The following PPP1R26 variants were observed in gnomAD, a reference collection of about 807,000 sequenced individuals.
The protein encoded by PPP1R26 is 1A6/DRIM (down-regulated in metastasis) interacting protein.
A neutral mutation model predicts 67.6 loss-of-function variants in PPP1R26; 22 were observed. That is an observed-to-expected ratio of 0.33 (90% confidence interval 0.23 to 0.46). The LOEUF (loss-of-function observed/expected upper bound fraction) is 0.46, where lower values mean the gene tolerates loss of function less well. PPP1R26 is among the 20% of genes least tolerant of loss of function. The probability of loss-of-function intolerance (pLI) is 1.00; values close to 1 mark genes in which losing one functional copy is unlikely to be tolerated. For synonymous variants in PPP1R26, 729 were observed against 717.2 expected (o/e 1.02, Z -0.26); for missense variants, 1,602 against 1,651.4 (o/e 0.97, Z 0.52).
At position 135,485,229 on chromosome 9, in the gene PPP1R26, A is replaced by T. The variant is rs1564205628; in HGVS notation, c.719A>T (p.His240Leu). ...CAGTTTCTGAATGAGAAGAGACAGC[A>T]TGAGACCCAAAAATGTGATGGGTCA... ...IEQFLNEKRQ[H>L]ETQKCDGSVE... The change falls in exon 4 of 4, where the codon CAT becomes CTT. Residue 240 changes from histidine (H) to leucine (L), a missense_variant. Transcript: ENST00000356818. The surrounding 1 kb of genome is among the most constrained non-coding windows in gnomAD (Gnocchi z 7.2). The T allele has an allele frequency of 6.2e-7, 1 of 1,612,830 alleles. No individual in the cohort carries two copies. The highest frequency in any genetic ancestry group is 1.7e-5 in the Admixed American group (1 of 60,008).
chr9:135,482,649 A>G, intron 1 of PPP1R26, 34 bp from the exon 2 acceptor site: 1 of 398,418 alleles, frequency 2.5e-6, no homozygotes, highest in Non-Finnish European at 4.4e-6. Flanking sequence ...TCAGCCTGTA[A>G]TTAGATGCCT....
rs746093496 is a variant in PPP1R26 at position 135,485,633 on chromosome 9, T to C, written c.1123T>C (p.Tyr375His). The C allele has an allele frequency of 6.2e-7, 1 of 1,612,752 alleles. No individual in the cohort carries two copies. The highest frequency in any genetic ancestry group is 1.1e-5 in the South Asian group (1 of 91,052). ...DDGIEEAIQL[Y>H]QLQKTRKEAD... ...TGGCATTGAGGAGGCCATCCAGCTG[T>C]ACCAGCTGCAGAAAACACGCAAGGA... Residue 375 changes from tyrosine to histidine, a missense_variant, in exon 4 of 4, where the codon TAC (tyrosine) becomes CAC (histidine). Physicochemically the swap from Tyr to His is moderately conservative, Grantham distance 83 (BLOSUM62 2). Transcript: ENST00000356818. This position sits in a 1 kb window ranked among gnomAD's most constrained non-coding sequence, Gnocchi z 7.2.
chr9:135,481,335 G>C (rs1564202164), intron 1 of PPP1R26, among the ~76,000 whole-genome samples: 1 of 150,226 alleles, frequency 6.7e-6, no homozygotes, highest in African/African-American at 2.5e-5. Context: ...CCGCCTCCCT[G>C]GTTCAAGCGA....
At chr9:135,484,325 T>G in intron 3 of PPP1R26, 124 bp from the exon 4 acceptor site, 1 of 607,198 alleles carries the variant, frequency 1.6e-6, no homozygotes, top group Non-Finnish European at 2.8e-6. Flanking sequence ...AGCTGGACGT[T>G]GGGCTCCACC....
rs549872705 is a variant in PPP1R26 at position 135,483,962 on chromosome 9, T to C, written c.-183T>C. 2.5e-6 allele frequency: 1 copy of C among 399,022 alleles called. No homozygotes were observed. The highest frequency in any genetic ancestry group is 3.6e-5 in the East Asian group (1 of 28,080). The allele number at this position is 399,022 out of a possible 1,614,324, so 24.7% of individuals were successfully genotyped here. On this transcript the variant is annotated 5_prime_UTR_variant, in exon 3 of 4. Coordinates refer to ENST00000356818, the MANE Select transcript of PPP1R26 (RefSeq NM_014811.5). ...CTTTCCGTTCCAGGAGCTTGTCGGT[T>C]GGGTCAAGAATGAACCTACGCATGA... is the stretch of plus-strand genomic sequence containing the variant.
Position 135,484,435 on chromosome 9 carries a change from T to G in PPP1R26, c.-62-14T>G, listed in dbSNP as rs1372938802. On this transcript the variant is annotated splice_polypyrimidine_tract_variant and intron_variant, in intron 3 of 3. Transcript: ENST00000356818. ...TGTAGCTGCATCATGCCCATGTGCT[T>G]TCTTTCCGCCCAGGATGTGAAGCCG... The G allele has an allele frequency of 2.6e-5, 35 of 1,367,726 alleles. No individual in the cohort carries two copies. Among genetic ancestry groups the G allele is most frequent in the Non-Finnish European group, 3.4e-5 (34 of 1,000,222 alleles). The allele number at this position is 1,367,726 out of a possible 1,614,324, so 84.7% of individuals were successfully genotyped here. A position where few individuals can be genotyped will look rare whatever the true frequency, so the allele number is the denominator to read the frequency against.
In PPP1R26 at chr9:135,485,870, A is replaced by G. The variant is rs1830706491; in HGVS notation, c.1360A>G (p.Lys454Glu). The G allele has an allele frequency of 1.2e-6, 2 of 1,613,378 alleles. No individual in the cohort carries two copies. The highest frequency in any genetic ancestry group is 1.7e-6 in the Non-Finnish European group (2 of 1,180,000). ...TGCCCCCAAGCTCCTGAAGGAAACC[A>G]AAGCTCCACCTCCAGCGAGCCCTGC... The part of the protein sequence containing the change: ...DHAPKLLKET[K>E]APPPASPASR... The change falls in exon 4 of 4, where the codon AAA becomes GAA. Residue 454 changes from lysine (K) to glutamate (E), a missense_variant. Lys to Glu is a moderately conservative substitution (Grantham distance 56, BLOSUM62 1). Transcript: ENST00000356818. The surrounding 1 kb of genome is among the most constrained non-coding windows in gnomAD (Gnocchi z 7.2).
In PPP1R26 at chr9:135,484,606, G is replaced by A. The variant is rs373599937; in HGVS notation, c.96G>A (p.Ser32=). Residue 32 remains serine (S), a synonymous_variant, in exon 4 of 4, where the codon TCG becomes TCA. Coordinates refer to ENST00000356818, the MANE Select transcript of PPP1R26 (RefSeq NM_014811.5). ...PGSCRFPRCF[S]EADEGVESAS... The stretch of plus-strand genomic sequence containing the variant: ...GCTGTAGGTTCCCCAGGTGCTTCTC[G>A]GAGGCTGACGAGGGCGTGGAGAGCG... The A allele has an allele frequency of 7.4e-6, 12 of 1,612,376 alleles. No individual in the cohort carries two copies. In the African/African-American group the frequency reaches 1.5e-4, roughly 20 times the overall value.
Position 135,487,784 on chromosome 9 carries a change from G to A in PPP1R26, c.3274G>A (p.Gly1092Ser), listed in dbSNP as rs773831157. ...CACCCAGCTCTTCCACTTTGGAAAG[G>A]GTGTCTCCTGGGGGGGCAGGCAGGC... is the stretch of plus-strand genomic sequence containing the variant. ...LSTQLFHFGK[G>S]VSWGGRQAGL... The change falls in exon 4 of 4, where the codon GGT (glycine) becomes AGT (serine). Residue 1092 changes from glycine (G) to serine (S), a missense_variant. Coordinates refer to ENST00000356818, the MANE Select transcript of PPP1R26 (RefSeq NM_014811.5). The A allele has an allele frequency of 6.5e-7, 1 of 1,545,616 alleles. No individual in the cohort carries two copies. Among genetic ancestry groups the A allele is most frequent in the Admixed American group, 2.1e-5 (1 of 47,136 alleles).
Position 135,487,314 on chromosome 9 carries a change from A to G in PPP1R26, c.2804A>G (p.Asp935Gly). 6.4e-7 allele frequency: 1 copy of G among 1,557,212 alleles called. No homozygotes were observed. The highest frequency in any genetic ancestry group is 8.7e-7 in the Non-Finnish European group (1 of 1,153,222). ...KGLPAAPARG[D>G]PVPPRSTSGG... ...CTCCCTGCTGCTCCTGCCCGAGGGG[A>G]TCCGGTGCCGCCCAGGAGCACCAGC... Residue 935 changes from aspartate to glycine, a missense_variant, in exon 4 of 4, where the codon GAT (aspartate) becomes GGT (glycine). Asp to Gly is a moderately conservative substitution (Grantham distance 94). Around this residue, in one of 5 missense-constraint regions of PPP1R26, gnomAD observed 740 missense variants for 696.3 expected, o/e 1.06. Coordinates refer to ENST00000356818, the MANE Select transcript of PPP1R26 (RefSeq NM_014811.5).
Position 135,488,261 on chromosome 9 carries a change from T to C in PPP1R26, c.*121T>C. The C allele has an allele frequency of 7.8e-7, 1 of 1,278,316 alleles. No homozygotes were observed. The highest frequency in any genetic ancestry group is 2.9e-5 in the East Asian group (1 of 34,152). 79.2% of individuals were successfully genotyped at this position (1,278,316 alleles called of 1,614,324 possible). On this transcript the variant is annotated 3_prime_UTR_variant, in exon 4 of 4. Coordinates refer to ENST00000356818, the MANE Select transcript of PPP1R26 (RefSeq NM_014811.5). ...GGAAACAGTCTATTATACATAGCCCTGTATATATGTACACCAACATGAAAC... is the reference window on the plus strand; with the variant it reads ...GGAAACAGTCTATTATACATAGCCCCGTATATATGTACACCAACATGAAAC...
chr9:135,481,564 C>T (rs1394718775), intron 1 of PPP1R26, among the ~76,000 whole-genome samples: 2 of 150,992 alleles, frequency 1.3e-5, no homozygotes, highest in African/African-American at 4.9e-5. Context: ...AAGAATGATT[C>T]ATCTCGCATA....
chr9:135,487,563 G>C lies in PPP1R26; in HGVS notation c.3053G>C (p.Gly1018Ala). 6.4e-7 allele frequency: 1 copy of C among 1,555,454 alleles called. No homozygotes were observed. Among genetic ancestry groups the C allele is most frequent in the South Asian group, 1.2e-5 (1 of 84,328 alleles). ...AGCCCGGGAGCGGAGAGGGACGCTG[G>C]AGCCCAGGCCGACCGCACACCGCCC... ...TPSPGAERDA[G>A]AQADRTPPWS... Residue 1018 changes from glycine to alanine, a missense_variant, in exon 4 of 4, where the codon GGA becomes GCA. Physicochemically the swap from Gly to Ala is moderately conservative, Grantham distance 60. Transcript: ENST00000356818.
Position 135,486,640 on chromosome 9 carries a change from G to A in PPP1R26, c.2130G>A (p.Arg710=). 6.2e-7 allele frequency: 1 copy of A among 1,611,992 alleles called. No individual in the cohort carries two copies. The highest frequency in any genetic ancestry group is 8.5e-7 in the Non-Finnish European group (1 of 1,179,722). The change falls in exon 4 of 4, where the codon AGG becomes AGA. Residue 710 remains arginine (R), a synonymous_variant. Transcript: ENST00000356818. This position sits in a 1 kb window ranked among gnomAD's most constrained non-coding sequence, Gnocchi z 6.2. ...GGTCCAAGCGAAAGCTCAAGAAGAG[G>A]TGCAGGGAGCCCAGGGCTGCGTGCA... ...LLRSKRKLKK[R]CREPRAACRK...
intron 3 of PPP1R26, 110 bp from the exon 4 acceptor site, chr9:135,484,339 C>T: frequency 1.5e-6 from 1 of 657,160 alleles, no homozygotes; most frequent in Non-Finnish European, 2.6e-6. Flanking sequence ...CTCCACCCAA[C>T]TCTCTCCACT....
chr9:135,484,372 C>T, intron 3 of PPP1R26, 77 bp from the exon 4 acceptor site: 1 of 803,336 alleles, frequency 1.2e-6, no homozygotes, highest in Non-Finnish European at 1.9e-6. Flanking sequence ...CATGCTGTTC[C>T]TCTGGGGCCT....
chr9:135,480,075 G>T (rs1830456195), intron 1 of PPP1R26, 53 bp downstream of exon 1: 1 of 147,902 alleles, frequency 6.8e-6, no homozygotes, highest in South Asian at 1.9e-4. Flanking sequence ...GAAGCTGGGG[G>T]GTCGGGGACA....
upstream of PPP1R26, chr9:135,479,583 G>T: frequency 6.8e-6 from 1 of 146,288 alleles, no homozygotes; most frequent in South Asian, 2.0e-4. The surrounding 1 kb of genome is among the most constrained non-coding windows in gnomAD (Gnocchi z 5.9). Context: ...CCCGGGGCGC[G>T]GGCGCGGCGG....
intron 3 of PPP1R26, 50 bp downstream of exon 3, chr9:135,484,132 G>A: frequency 2.4e-6 from 1 of 416,022 alleles, no homozygotes; most frequent in Non-Finnish European, 4.2e-6. Flanking sequence ...CCCGGAGTGA[G>A]AAGGGAAGAG....
Sources: gnomAD v4.1 joint callset for allele counts (sites outside exome capture counted in the v4.1 genomes callset) on GRCh38, gnomAD v4.1.1 for gene constraint, gnomAD v4.1.1 regional missense constraint, Gnocchi (gnomAD v3.1) non-coding constraint, MANE v1.5 for transcripts, NCBI Gene and HGNC (gene_info 2026-07-23, HGNC 2026-07-21) for gene names.